The following SEMA3A variants were observed in gnomAD, a reference collection of about 807,000 sequenced individuals.
SEMA3A encodes the protein semaphorin 3A.
In SEMA3A, 29 loss-of-function variants were observed where a neutral mutation model predicts 97.9. The observed-to-expected ratio is 0.30, with a 90% CI of 0.22 to 0.40. The LOEUF is 0.40. Ranked by LOEUF, SEMA3A falls within the 10% of genes least tolerant of loss-of-function variation. SEMA3A has a pLI of 1.00. For missense variants in SEMA3A, 763 were observed against 951.3 expected (o/e 0.80, Z 2.60); for synonymous variants, 321 against 323.7 (o/e 0.99, Z 0.09).
At chr7:84,066,292 T>C (rs1333038145) in intron 4 of SEMA3A, among the ~76,000 whole-genome samples, 3 of 152,098 alleles carry the variant, frequency 2.0e-5, no homozygotes, top group African/African-American at 4.8e-5. Context: ...GAGCTATCTA[T>C]GACAAACCCA....
chr7:84,463,561 A>G (rs547345018), intron 1 of SEMA3A, among the ~76,000 whole-genome samples: 1 of 151,888 alleles, frequency 6.6e-6, no homozygotes, highest in Non-Finnish European at 1.5e-5. Context: ...TTTTGTAACT[A>G]TTTAGCTTTG....
At chr7:84,052,095 C>G (rs138766293) in intron 5 of SEMA3A, among the ~76,000 whole-genome samples, 6,469 of 152,186 alleles carry the variant, frequency 0.043, 186 homozygotes, top group Middle Eastern at 0.065. Context: ...TTTTGATGTG[C>G]TACTGGATTC....
chr7:84,405,261 C>A (rs1482623401), intron 1 of SEMA3A, among the ~76,000 whole-genome samples: 2 of 152,124 alleles, frequency 1.3e-5, no homozygotes, highest in Non-Finnish European at 2.9e-5. Context: ...TCTGATAAAA[C>A]AGACTTTAAA....
intron 3 of SEMA3A, among the ~76,000 whole-genome samples, chr7:84,245,827 G>A (rs985327014): frequency 6.6e-6 from 1 of 152,086 alleles, no homozygotes; most frequent in Admixed American, 6.5e-5. Context: ...AGGAGGCATG[G>A]GGGTCAGGGA....
Position 84,425,430 on chromosome 7 carries a change from TAAA to T in SEMA3A, c.-245-53533_-245-53531del, listed in dbSNP as rs1804783497. On this transcript the variant is annotated intron_variant, in intron 1 of 3. Coordinates refer to the SEMA3A transcript ENST00000424555. ...ATATATGCCTATATTTATATGAATA[TAAA>T]TATAGGCATATATTTATATGCATAT... Among the ~76,000 whole-genome samples, 6 of 130,332 alleles carry T rather than the reference TAAA, an allele frequency of 4.6e-5. No homozygotes were observed. The South Asian group carries it at 1.4e-3, about 31-fold the overall frequency. The allele number at this position is 130,332 out of a possible 152,430, so 85.5% of individuals were successfully genotyped here.
At position 84,430,789 on chromosome 7, in the gene SEMA3A, T is replaced by TTGTG. The variant is rs56814153; in HGVS notation, c.-245-58893_-245-58890dup. Reference sequence around the variant, plus strand: ...CTTCTATACCTACACAACATAAAATTTGTGTGTGTGTGTGTGTGTGTGTGT... The same window carrying TTGTG: ...CTTCTATACCTACACAACATAAAATTTGTGTGTGTGTGTGTGTGTGTGTGTGTGT... On this transcript the variant is annotated intron_variant, in intron 1 of 3. Transcript: ENST00000424555. 6.5e-3 allele frequency among the ~76,000 whole-genome samples: 939 copies of TTGTG among 143,424 alleles called. 8 individuals are homozygous for TTGTG. The highest frequency in any genetic ancestry group is 0.015 in the African/African-American group (578 of 39,598). The allele number at this position is 143,424 out of a possible 152,430, so 94.1% of individuals were successfully genotyped here.
chr7:84,057,440 A>G (rs1793031966), intron 5 of SEMA3A, among the ~76,000 whole-genome samples: 1 of 152,142 alleles, frequency 6.6e-6, no homozygotes, highest in Admixed American at 6.6e-5. Context: ...AAATTCATAA[A>G]AAAAATTTGC....
chr7:84,230,775 G>A (rs1186481884), intron 3 of SEMA3A, among the ~76,000 whole-genome samples: 1 of 151,846 alleles, frequency 6.6e-6, no homozygotes, highest in Non-Finnish European at 1.5e-5. Context: ...TAATTTAAAT[G>A]AAAATTGTTT....
chr7:84,390,252 A>C (rs1478125972), intron 1 of SEMA3A, among the ~76,000 whole-genome samples: 1 of 151,426 alleles, frequency 6.6e-6, no homozygotes, highest in East Asian at 1.9e-4. Context: ...TTCAAATCCC[A>C]ATGCCGTTAT....
intron 1 of SEMA3A, among the ~76,000 whole-genome samples, chr7:84,398,981 T>G (rs951356470): frequency 2.6e-5 from 4 of 152,102 alleles, no homozygotes; most frequent in Non-Finnish European, 2.9e-5. Flanking sequence ...AAACATCATT[T>G]GAGAGAACAG....
intron 2 of SEMA3A, among the ~76,000 whole-genome samples, chr7:84,309,224 T>C (rs1489640607): frequency 2.0e-5 from 3 of 152,086 alleles, no homozygotes; most frequent in African/African-American, 7.2e-5. Flanking sequence ...AAGGGCTTTG[T>C]TGTTGAGTTC....
At chr7:84,458,751 G>A (rs1805749040) in intron 1 of SEMA3A, among the ~76,000 whole-genome samples, 1 of 151,732 alleles carries the variant, frequency 6.6e-6, no homozygotes, top group East Asian at 1.9e-4. Context: ...CAATGTTTAA[G>A]GATTAAATCA....
chr7:84,119,459 A>T (rs1795536236), intron 3 of SEMA3A, among the ~76,000 whole-genome samples: 1 of 152,224 alleles, frequency 6.6e-6, no homozygotes, highest in Non-Finnish European at 1.5e-5. Flanking sequence ...GTATATTAAA[A>T]TTAAATGGCA....
chr7:84,476,678 A>T (rs1316080959), intron 1 of SEMA3A, among the ~76,000 whole-genome samples: 1 of 152,192 alleles, frequency 6.6e-6, no homozygotes, highest in Non-Finnish European at 1.5e-5. Context: ...GTAATAATTA[A>T]AACGGATAAA....
intron 2 of SEMA3A, among the ~76,000 whole-genome samples, chr7:84,327,302 G>C (rs1801795078): frequency 6.6e-6 from 1 of 151,660 alleles, no homozygotes; most frequent in African/African-American, 2.4e-5. Context: ...AAAGCAGGTA[G>C]TCAGTTTTCA....
At chr7:84,180,834 C>G (rs904005581) in intron 1 of SEMA3A, among the ~76,000 whole-genome samples, 1 of 152,106 alleles carries the variant, frequency 6.6e-6, no homozygotes. Context: ...CTTACAGGTC[C>G]TGGCTTACTA....
chr7:84,256,068 G>A (rs978874824), intron 3 of SEMA3A, among the ~76,000 whole-genome samples: 4 of 152,056 alleles, frequency 2.6e-5, no homozygotes, highest in African/African-American at 9.7e-5. Flanking sequence ...TAGCACTTAA[G>A]TCTCTGTATG....
chr7:84,302,751 T>G (rs936766241), intron 3 of SEMA3A, among the ~76,000 whole-genome samples: 1 of 152,130 alleles, frequency 6.6e-6, no homozygotes, highest in Non-Finnish European at 1.5e-5. Flanking sequence ...AAAAAGAAAG[T>G]TTAGTAAAAG....
intron 3 of SEMA3A, among the ~76,000 whole-genome samples, chr7:84,278,226 C>A (rs1269741937): frequency 6.6e-6 from 1 of 152,028 alleles, no homozygotes; most frequent in Non-Finnish European, 1.5e-5. Flanking sequence ...CAAAAGTGAC[C>A]TTTGCTCCAG....
Sources: gnomAD v4.1 joint callset for allele counts (sites outside exome capture counted in the v4.1 genomes callset) on GRCh38, gnomAD v4.1.1 for gene constraint, MANE v1.5 for transcripts, NCBI Gene and HGNC (gene_info 2026-07-23, HGNC 2026-07-21) for gene names.